The following KCNC4 variants were observed in gnomAD, a reference collection of about 807,000 sequenced individuals.
The protein encoded by KCNC4 is potassium voltage-gated channel subfamily C member 4.
Under a neutral mutation model 42.8 loss-of-function variants are expected in KCNC4, and 23 were observed. The observed-to-expected ratio is 0.54, with a 90% confidence interval of 0.39 to 0.76. KCNC4 has a LOEUF of 0.76. Ranked by LOEUF, KCNC4 falls within the 30% of genes least tolerant of loss-of-function variation. KCNC4 has a pLI of 0.00. For synonymous variants in KCNC4, 422 were observed against 393.5 expected (o/e 1.07, Z -0.86); for missense variants, 751 against 898.2 (o/e 0.84, Z 2.10).
At chr1:110,250,241 G>A (rs1460965222), downstream of KCNC4, among the ~76,000 whole-genome samples, 2 of 152,008 alleles carry the variant, frequency 1.3e-5, no homozygotes, top group Non-Finnish European at 2.9e-5. Flanking sequence ...TCTCCAGCCA[G>A]AAGTCCAGAC....
intron 1 of KCNC4, among the ~76,000 whole-genome samples, chr1:110,217,680 G>A (rs1657872929): frequency 6.6e-6 from 1 of 152,180 alleles, no homozygotes; most frequent in South Asian, 2.1e-4. Context: ...ATAGGTAGAG[G>A]TGGGTTCTGG....
intron 1 of KCNC4, among the ~76,000 whole-genome samples, chr1:110,218,340 C>T (rs1428173145): frequency 6.6e-6 from 1 of 152,172 alleles, no homozygotes; most frequent in East Asian, 1.9e-4. Context: ...GACCTTTGCA[C>T]TACTCATCCC....
In KCNC4 at chr1:110,265,397, TAAAATAAAATAAAATAAAA is replaced by T. The variant is rs1557874040; in HGVS notation, n.31-17136_31-17118del. ...TAAAATAAAATAAAATAAAATAAAA[TAAAATAAAATAAAATAAAA>T]TAAAATATTCCCCACCCAGAGGATG... On this transcript the variant is annotated intron_variant and non_coding_transcript_variant, in intron 1 of 2. Coordinates refer to the KCNC4 transcript ENST00000412512. 1.5e-3 allele frequency among the ~76,000 whole-genome samples: 171 copies of T among 116,534 alleles called. 1 individual carries two copies. Among genetic ancestry groups the T allele is most frequent in the East Asian group, 0.01 (39 of 3,782 alleles). The allele number at this position is 116,534 out of a possible 152,430, so 76.5% of individuals were successfully genotyped here.
chr1:110,254,558 G>C (rs951575140), intron 1 of KCNC4, among the ~76,000 whole-genome samples: 5 of 152,216 alleles, frequency 3.3e-5, no homozygotes, highest in African/African-American at 1.2e-4. Flanking sequence ...TTTGAGAGCA[G>C]CCCTGGCATA....
At chr1:110,264,391 A>G (rs560352600) in intron 1 of KCNC4, among the ~76,000 whole-genome samples, 3 of 151,578 alleles carry the variant, frequency 2.0e-5, no homozygotes, top group African/African-American at 7.3e-5. Flanking sequence ...CAAGCAGAAA[A>G]GAATTATTAG....
intron 1 of KCNC4, among the ~76,000 whole-genome samples, chr1:110,277,082 T>G (rs952763116): frequency 2.6e-5 from 4 of 152,242 alleles, no homozygotes; most frequent in Non-Finnish European, 4.4e-5. Flanking sequence ...CGCTGAAATC[T>G]AAATTTAGCC....
chr1:110,274,024 C>G (rs1283649085), intron 1 of KCNC4, among the ~76,000 whole-genome samples: 1 of 152,026 alleles, frequency 6.6e-6, no homozygotes, highest in Non-Finnish European at 1.5e-5. Context: ...AAAAGGCATC[C>G]AAATTGGAAA....
At chr1:110,227,457 T>C (rs1405241893) in intron 3 of KCNC4, among the ~76,000 whole-genome samples, 1 of 152,220 alleles carries the variant, frequency 6.6e-6, no homozygotes, top group Admixed American at 6.5e-5. Flanking sequence ...ATGGGAATAG[T>C]GATCTGGTGC....
chr1:110,217,810 T>C (rs1281005726), intron 1 of KCNC4, among the ~76,000 whole-genome samples: 1 of 152,106 alleles, frequency 6.6e-6, no homozygotes, highest in Non-Finnish European at 1.5e-5. Context: ...TAGGCCTTAG[T>C]GCGGGCCCTC....
intron 1 of KCNC4, among the ~76,000 whole-genome samples, chr1:110,271,544 G>C (rs1659635026): frequency 6.6e-6 from 1 of 152,176 alleles, no homozygotes; most frequent in African/African-American, 2.4e-5. Flanking sequence ...AGATCTGTTT[G>C]GACTGGTTTA....
chr1:110,263,152 A>T (rs1360143057), intron 1 of KCNC4, among the ~76,000 whole-genome samples: 1 of 152,168 alleles, frequency 6.6e-6, no homozygotes, highest in Non-Finnish European at 1.5e-5. Context: ...GTGGGTCAGC[A>T]GTGGTGGGGC....
At chr1:110,228,721 C>T (rs948248692) in intron 3 of KCNC4, 2 of 152,532 alleles carry the variant, frequency 1.3e-5, no homozygotes, top group East Asian at 3.9e-4. Flanking sequence ...CCTCTGGGCA[C>T]ACGCGCACAA....
intron 1 of KCNC4, among the ~76,000 whole-genome samples, chr1:110,219,233 G>T (rs566610248): frequency 1.3e-5 from 2 of 152,052 alleles, no homozygotes; most frequent in Admixed American, 6.5e-5. Context: ...CTCCAGATTC[G>T]GCTCACCTTC....
downstream of KCNC4, among the ~76,000 whole-genome samples, chr1:110,249,845 CTCTT>C (rs1330344532): frequency 2.0e-5 from 3 of 152,088 alleles, no homozygotes; most frequent in African/African-American, 7.2e-5. Flanking sequence ...ATCTCCAGAA[CTCTT>C]TCTGTCTTCC....
At chr1:110,254,660 T>C (rs1241113906) in intron 1 of KCNC4, among the ~76,000 whole-genome samples, 1 of 152,150 alleles carries the variant, frequency 6.6e-6, no homozygotes, top group Non-Finnish European at 1.5e-5. Context: ...AACAAGGAGA[T>C]GAGTTGGGGG....
intron 1 of KCNC4, among the ~76,000 whole-genome samples, chr1:110,271,023 A>G (rs1423981262): frequency 2.6e-5 from 4 of 152,210 alleles, no homozygotes; most frequent in African/African-American, 7.2e-5. Context: ...GATCCTGAGG[A>G]TGACAGTTCT....
chr1:110,246,045 C>G (rs1451019812), exon 4 of KCNC4: 1 of 152,230 alleles, frequency 6.6e-6, no homozygotes, highest in African/African-American at 2.4e-5. Flanking sequence ...TTATCTCCAT[C>G]CAGATGGTGG....
Position 110,233,128 on chromosome 1 carries a change from C to G in KCNC4, c.*156C>G. ...AATCTCCCATGCGACCCTCGGGGCC[C>G]AGAGCCATCTGGGTCTGATGTTCTG... On this transcript the variant is annotated 3_prime_UTR_variant, in exon 4 of 4. Transcript: ENST00000438661. The G allele has an allele frequency of 1.2e-6, 1 of 845,246 alleles. No individual in the cohort carries two copies. Among genetic ancestry groups the G allele is most frequent in the Non-Finnish European group, 1.8e-6 (1 of 540,812 alleles). The allele number at this position is 845,246 out of a possible 1,614,324, so 52.4% of individuals were successfully genotyped here.
chr1:110,280,192 C>T (rs995962533), intron 1 of KCNC4, among the ~76,000 whole-genome samples: 4 of 152,066 alleles, frequency 2.6e-5, no homozygotes, highest in African/African-American at 7.3e-5. Flanking sequence ...TCGCAGAAAT[C>T]GAGGCACAGA....
Sources: allele counts gnomAD v4.1 joint callset (sites outside exome capture counted in the v4.1 genomes callset), GRCh38; gene constraint gnomAD v4.1.1; transcripts MANE v1.5; gene names NCBI Gene and HGNC (gene_info 2026-07-23, HGNC 2026-07-21).